SUGCT: variants seen among roughly 807,000 people sequenced by gnomAD.
SUGCT encodes the protein succinyl-CoA:glutarate CoA-transferase.
SUGCT carries 41 observed loss-of-function variants against 55.0 expected under a neutral mutation model. That is an observed-to-expected ratio of 0.74 (90% CI 0.58 to 0.97). The LOEUF (loss-of-function observed/expected upper bound fraction) is 0.97. Ranked by LOEUF, SUGCT falls within the 50% of genes least tolerant of loss-of-function variation. SUGCT has a pLI of 0.00. For synonymous variants in SUGCT, 187 were observed against 200.4 expected, an observed-to-expected ratio of 0.93 and a Z score of 0.56; for missense variants, 568 against 547.8, an observed-to-expected ratio of 1.04 and a Z score of -0.37.
At chr7:40,984,630 AAGACTCCTTCCATCTGTGATG>A in the SUGCT span, among the ~76,000 whole-genome samples, 30 of 152,194 alleles carry the variant, frequency 2.0e-4, no homozygotes, top group Non-Finnish European at 4.1e-4. Flanking sequence ...CAGTTCCTTT[AAGACTCCTTCCATCTGTGATG>A]TTCTAGGTTG....
intron 6 of SUGCT, among the ~76,000 whole-genome samples, chr7:40,207,885 G>C (rs1787078481): frequency 6.6e-6 from 1 of 152,054 alleles, no homozygotes; most frequent in South Asian, 2.1e-4. Context: ...GGACCTCGAA[G>C]GATTATTTGT....
chr7:40,407,753 G>A (rs1786458299), intron 9 of SUGCT, among the ~76,000 whole-genome samples: 1 of 151,752 alleles, frequency 6.6e-6, no homozygotes, highest in Non-Finnish European at 1.5e-5. Flanking sequence ...TTACGAATTG[G>A]CAACATAGAC....
chr7:40,383,352 T>G (rs1784963675), intron 9 of SUGCT, among the ~76,000 whole-genome samples: 1 of 152,228 alleles, frequency 6.6e-6, no homozygotes. Context: ...AGCCTGTGAT[T>G]AAAATTGAAG....
intron 9 of SUGCT, among the ~76,000 whole-genome samples, chr7:40,352,114 A>G (rs1043388880): frequency 6.6e-6 from 1 of 152,208 alleles, no homozygotes; most frequent in African/African-American, 2.4e-5. Context: ...TGAAATGTAA[A>G]TTATCAGACC....
chr7:40,273,127 G>A (rs182286652), intron 7 of SUGCT, among the ~76,000 whole-genome samples: 298 of 152,144 alleles, frequency 2.0e-3, no homozygotes, highest in Admixed American at 3.6e-3. Context: ...ATTGATTTAA[G>A]GCATTACATT....
intron 12 of SUGCT, among the ~76,000 whole-genome samples, chr7:40,625,366 G>A (rs562903467): frequency 2.0e-4 from 30 of 152,040 alleles, no homozygotes; most frequent in Non-Finnish European, 3.4e-4. Flanking sequence ...ATTTAAATAG[G>A]GTATCAGGAT....
rs185709112 is a variant in SUGCT, at chr7:40,652,140, C to A, written c.1090-97294C>A. Among the ~76,000 whole-genome samples the A allele has an allele frequency of 3.5e-3, 528 of 152,264 alleles. 6 individuals are homozygous for A. Among genetic ancestry groups the A allele is most frequent in the East Asian group, 0.031 (158 of 5,172 alleles). ...ATTTCTTATTCCTTTTTGGGCAAAT[C>A]ATTTTCTCCATGTTGGTTTTCCTTT... On this transcript the variant is annotated intron_variant, in intron 12 of 13. Transcript: ENST00000335693.
At chr7:40,675,873 G>T (rs1783950433) in intron 12 of SUGCT, among the ~76,000 whole-genome samples, 1 of 152,214 alleles carries the variant, frequency 6.6e-6, no homozygotes. Context: ...GAGTTTTGAT[G>T]TAATTCTTTG....
rs184639431 is a variant in SUGCT, at chr7:40,695,537, A to G, written c.1090-53897A>G. On this transcript the variant is annotated intron_variant, in intron 12 of 13. Transcript: ENST00000335693. The stretch of plus-strand genomic sequence containing the variant: ...TACAAACATGTTTCTTGGAGAATTT[A>G]ATATTCAATCCCTAGAAATATATTG... 2.0e-5 allele frequency among the ~76,000 whole-genome samples: 3 copies of G among 152,260 alleles called. No homozygotes were observed. In the East Asian group the frequency reaches 5.8e-4, roughly 29 times the overall value.
At chr7:40,771,518 C>A (rs1200279968) in intron 13 of SUGCT, among the ~76,000 whole-genome samples, 1 of 152,050 alleles carries the variant, frequency 6.6e-6, no homozygotes, top group Non-Finnish European at 1.5e-5. Flanking sequence ...TGGTTCAGAG[C>A]AATCCAGGAT....
chr7:40,982,556 A>G, the SUGCT span, among the ~76,000 whole-genome samples: 1 of 152,202 alleles, frequency 6.6e-6, no homozygotes. Flanking sequence ...GAAGTGAGTA[A>G]TACTAACTGC....
At chr7:40,188,299 T>C (rs566119739) in intron 3 of SUGCT, among the ~76,000 whole-genome samples, 196 bp from the exon 4 acceptor site, 6 of 152,054 alleles carry the variant, frequency 3.9e-5, no homozygotes, top group African/African-American at 1.4e-4. Context: ...CCAGGTATGG[T>C]GGTGCACACC....
intron 13 of SUGCT, among the ~76,000 whole-genome samples, chr7:40,772,622 T>TCTATCTAC (rs1554418158): frequency 2.0e-5 from 3 of 150,722 alleles, no homozygotes; most frequent in African/African-American, 7.3e-5. Context: ...TATCTATCTA[T>TCTATCTAC]CTATCTATCT....
At chr7:40,758,621 T>A (rs138277082) in intron 13 of SUGCT, among the ~76,000 whole-genome samples, 409 of 152,276 alleles carry the variant, frequency 2.7e-3, no homozygotes, top group African/African-American at 8.9e-3. Flanking sequence ...TCTCCTCAGC[T>A]GGAGCGAATC....
intron 9 of SUGCT, among the ~76,000 whole-genome samples, chr7:40,438,389 C>A (rs933177300): frequency 6.6e-6 from 1 of 152,130 alleles, no homozygotes; most frequent in African/African-American, 2.4e-5. Context: ...AATTCCTTGA[C>A]CCATCATTAT....
chr7:40,557,145 T>C (rs763319675), intron 12 of SUGCT, among the ~76,000 whole-genome samples: 14 of 152,152 alleles, frequency 9.2e-5, no homozygotes, highest in Non-Finnish European at 1.8e-4. Flanking sequence ...CAAGCATATA[T>C]AGACTAATGT....
At chr7:40,539,115 T>G (rs1465283768) in intron 12 of SUGCT, 3 of 152,478 alleles carry the variant, frequency 2.0e-5, no homozygotes, top group Non-Finnish European at 4.4e-5. Context: ...AGACATTTTC[T>G]TAGTAGTGAC....
In SUGCT at chr7:40,246,072, T is replaced by A. The variant is rs4286850; in HGVS notation, c.576+8346T>A. ...CTGGGTTCGATTATTATTATTTTTT[T>A]AAATATAGACACCTTGGATAGACAC... On this transcript the variant is annotated intron_variant, in intron 7 of 13. Transcript: ENST00000335693. 1.8e-3 allele frequency among the ~76,000 whole-genome samples: 280 copies of A among 152,208 alleles called. 7 individuals are homozygous for A. The East Asian group carries it at 0.042, about 23-fold the overall frequency.
chr7:40,951,834 C>G, the SUGCT span, among the ~76,000 whole-genome samples: 7,709 of 152,184 alleles, frequency 0.051, 292 homozygotes, highest in South Asian at 0.15. Flanking sequence ...GTTATAATTT[C>G]TGTTCTTTTA....
Sources: allele counts gnomAD v4.1 joint callset (sites outside exome capture counted in the v4.1 genomes callset), GRCh38; gene constraint gnomAD v4.1.1; transcripts MANE v1.5; gene names NCBI Gene and HGNC (gene_info 2026-07-23, HGNC 2026-07-21).